The following ATXN10 variants were observed in gnomAD, a reference collection of about 807,000 sequenced individuals.
ATXN10 encodes the protein ataxin 10.
A neutral mutation model predicts 52.9 loss-of-function variants in ATXN10; 28 were observed. That is an observed-to-expected ratio of 0.53 (90% CI 0.39 to 0.73). The LOEUF is 0.73. ATXN10 is among the 30% of genes least tolerant of loss of function. The probability of loss-of-function intolerance (pLI) is 0.00; values close to 1 mark genes in which losing one functional copy is unlikely to be tolerated. For missense variants in ATXN10, 565 were observed against 577.0 expected, an observed-to-expected ratio of 0.98 and a Z score of 0.21; for synonymous variants, 226 against 221.5, an observed-to-expected ratio of 1.02 and a Z score of -0.18.
At chr22:45,704,308 G>A (rs1601597463) in intron 5 of ATXN10, among the ~76,000 whole-genome samples, 2 of 146,190 alleles carry the variant, frequency 1.4e-5, no homozygotes, top group South Asian at 2.1e-4. Context: ...TTTTCAATTT[G>A]TTAAAAAAAA....
chr22:45,837,004 A>C lies in ATXN10; in HGVS notation c.1238-5987A>C, dbSNP rs761036219. Reference sequence around the variant, plus strand: ...AATTGTGCGCCCCTCCCTGCTCCACAGCGTACTTTGGAAAGCCCTGCAGCA... The same window carrying C: ...AATTGTGCGCCCCTCCCTGCTCCACCGCGTACTTTGGAAAGCCCTGCAGCA... On this transcript the variant is annotated intron_variant, in intron 10 of 11. Transcript: ENST00000252934. This position sits in a 1 kb window ranked among gnomAD's most constrained non-coding sequence, Gnocchi z 5.8. 1.3e-5 allele frequency among the ~76,000 whole-genome samples: 2 copies of C among 152,192 alleles called. No individual in the cohort carries two copies. Among genetic ancestry groups the C allele is most frequent in the African/African-American group, 2.4e-5 (1 of 41,452 alleles).
At chr22:45,801,911 T>G (rs903330938) in intron 9 of ATXN10, among the ~76,000 whole-genome samples, 2 of 152,106 alleles carry the variant, frequency 1.3e-5, no homozygotes, top group Non-Finnish European at 2.9e-5. Context: ...ACCTGGGAGG[T>G]GGGTATGGCC....
chr22:45,724,800 A>G (rs1454936355), intron 6 of ATXN10, among the ~76,000 whole-genome samples: 1 of 152,114 alleles, frequency 6.6e-6, no homozygotes, highest in African/African-American at 2.4e-5. Flanking sequence ...TCTGGTCTAG[A>G]TTTAAATCTT....
rs201723379 is a variant in ATXN10, at chr22:45,702,882, G to A, written c.647+35G>A. ...TTGTTAGAAATTTGATTGCTTTGGG[G>A]CATCCTGACAGATCACTTTCCTTGC... is the stretch of plus-strand genomic sequence containing the variant. On this transcript the variant is annotated intron_variant, in intron 5 of 11. Coordinates refer to ENST00000252934, the MANE Select transcript of ATXN10 (RefSeq NM_013236.4). 8.1e-6 allele frequency: 13 copies of A among 1,612,588 alleles called. No homozygotes were observed. The East Asian group carries it at 2.7e-4, about 33-fold the overall frequency.
intron 9 of ATXN10, among the ~76,000 whole-genome samples, chr22:45,742,855 A>G (rs181708136): frequency 1.3e-5 from 2 of 152,126 alleles, no homozygotes; most frequent in African/African-American, 4.8e-5. Flanking sequence ...AAATTACTGG[A>G]CTGATTTTTG....
intron 9 of ATXN10, among the ~76,000 whole-genome samples, chr22:45,751,752 AAAT>A (rs1569049566): frequency 7.3e-5 from 7 of 95,880 alleles, no homozygotes; most frequent in Non-Finnish European, 1.3e-4. Context: ...AAAAAAAAAA[AAAT>A]AAAAAAAAAA....
rs1231257614 is a variant in ATXN10 at position 45,708,339 on chromosome 22, G to A, written c.647+5492G>A. 3.3e-5 allele frequency among the ~76,000 whole-genome samples: 5 copies of A among 152,154 alleles called. No homozygotes were observed. The highest frequency in any genetic ancestry group is 2.4e-5 in the African/African-American group (1 of 41,444). On this transcript the variant is annotated intron_variant, in intron 5 of 11. Transcript: ENST00000252934. The surrounding 1 kb of genome is among the most constrained non-coding windows in gnomAD (Gnocchi z 5.3). ...GTAGAGGAAGAGGTAGGACTGCCTC[G>A]TGCTGATCCTGTGATGTGTTGGTTG...
intron 8 of ATXN10, among the ~76,000 whole-genome samples, chr22:45,739,989 G>A (rs1925446951): frequency 6.6e-6 from 1 of 152,172 alleles, no homozygotes; most frequent in Admixed American, 6.5e-5. Context: ...TAGATATTGT[G>A]TTTTAGACTT....
chr22:45,798,679 C>T (rs749560294), intron 9 of ATXN10, among the ~76,000 whole-genome samples: 3 of 152,150 alleles, frequency 2.0e-5, no homozygotes, highest in Non-Finnish European at 4.4e-5. Context: ...GAGCAACTCA[C>T]TAAGCCAAGA....
At chr22:45,675,144 C>T (rs1275380467) in intron 1 of ATXN10, 1 of 152,150 alleles carries the variant, frequency 6.6e-6, no homozygotes, top group Non-Finnish European at 1.5e-5. Flanking sequence ...TTGTAAGTGA[C>T]CAAGAATCCA....
chr22:45,676,889 C>T (rs145053255), intron 1 of ATXN10: 17 of 152,372 alleles, frequency 1.1e-4, no homozygotes, highest in African/African-American at 4.1e-4. Flanking sequence ...AAGCAATCCT[C>T]CTGCCTCCTT....
chr22:45,757,210 C>T lies in ATXN10; in HGVS notation c.1173+16672C>T, dbSNP rs1926205589. Among the ~76,000 whole-genome samples the T allele has an allele frequency of 6.6e-6, 1 of 152,144 alleles. No homozygotes were observed. The highest frequency in any genetic ancestry group is 6.6e-5 in the Admixed American group (1 of 15,266). ...TTGACAGGAAAAATCCGACTGGCGGCCTTGGAGCAGTTCGAAGAGAGGGCG... is the reference window on the plus strand; with the variant it reads ...TTGACAGGAAAAATCCGACTGGCGGTCTTGGAGCAGTTCGAAGAGAGGGCG... On this transcript the variant is annotated intron_variant, in intron 9 of 11. Transcript: ENST00000252934. The surrounding 1 kb of genome is among the most constrained non-coding windows in gnomAD (Gnocchi z 4.6).
rs374348543 is a variant in ATXN10, at chr22:45,828,204, G to GA, written c.1238-14777dup. On this transcript the variant is annotated intron_variant, in intron 10 of 11. Transcript: ENST00000252934. The surrounding 1 kb of genome is among the most constrained non-coding windows in gnomAD (Gnocchi z 4.5). ...CATCTCTATTAAAAACTTTAAAAAAGAAAAAAAAAAGAAGAAAAAAATATT... is the reference window on the plus strand; with the variant it reads ...CATCTCTATTAAAAACTTTAAAAAAGAAAAAAAAAAAGAAGAAAAAAATATT... Among the ~76,000 whole-genome samples the GA allele has an allele frequency of 1.4e-3, 186 of 135,398 alleles. 3 individuals carry two copies. In the Middle Eastern group the frequency reaches 0.015, roughly 11 times the overall value. The allele number at this position is 135,398 out of a possible 152,430, so 88.8% of individuals were successfully genotyped here. A position where few individuals can be genotyped will look rare whatever the true frequency, so the allele number is the denominator to read the frequency against.
Position 45,823,323 on chromosome 22 carries a change from G to T in ATXN10, c.1237+16301G>T, listed in dbSNP as rs778617322. The T allele has an allele frequency of 2.5e-6, 1 of 396,340 alleles. No individual in the cohort carries two copies. The highest frequency in any genetic ancestry group is 3.3e-5 in the Admixed American group (1 of 30,550). The allele number at this position is 396,340 out of a possible 1,614,324, so 24.6% of individuals were successfully genotyped here. The stretch of plus-strand genomic sequence containing the variant: ...TGTTTAGTGATTTTTGTGTCTCTGA[G>T]GTCTGAGGTCATAAAAGTATGCTAA... On this transcript the variant is annotated intron_variant, in intron 10 of 11. Coordinates refer to ENST00000252934, the MANE Select transcript of ATXN10 (RefSeq NM_013236.4). This position sits in a 1 kb window ranked among gnomAD's most constrained non-coding sequence, Gnocchi z 4.9.
At chr22:45,720,242 G>C (rs1476310926) in intron 6 of ATXN10, among the ~76,000 whole-genome samples, 4 of 151,000 alleles carry the variant, frequency 2.6e-5, no homozygotes, top group African/African-American at 9.7e-5. Context: ...TGGAATCTTT[G>C]ACTAGATTTT....
intron 3 of ATXN10, among the ~76,000 whole-genome samples, chr22:45,699,960 C>G (rs2146751521): frequency 6.6e-6 from 1 of 151,346 alleles, no homozygotes; most frequent in African/African-American, 2.4e-5. Context: ...AATTCTCATG[C>G]CCCAGCCTCC....
chr22:45,823,087 T>A lies in ATXN10; in HGVS notation c.1237+16065T>A. On this transcript the variant is annotated intron_variant, in intron 10 of 11. Coordinates refer to ENST00000252934, the MANE Select transcript of ATXN10 (RefSeq NM_013236.4). The surrounding 1 kb of genome is among the most constrained non-coding windows in gnomAD (Gnocchi z 4.9). ...AACTTAAATAGAGTAAACTGCAAAA[T>A]TTTTAAGTATACATCTTGACATAAG... is the stretch of plus-strand genomic sequence containing the variant. 2.2e-6 allele frequency: 1 copy of A among 454,936 alleles called. No individual in the cohort carries two copies. Among genetic ancestry groups the A allele is most frequent in the East Asian group, 7.1e-5 (1 of 14,138 alleles). The allele number at this position is 454,936 out of a possible 1,614,324, so 28.2% of individuals were successfully genotyped here.
chr22:45,745,964 C>G (rs1225759549), intron 9 of ATXN10, among the ~76,000 whole-genome samples: 1 of 151,916 alleles, frequency 6.6e-6, no homozygotes, highest in Non-Finnish European at 1.5e-5. Flanking sequence ...CCTTTAAATT[C>G]TGAGTTCTGT....
intron 9 of ATXN10, among the ~76,000 whole-genome samples, chr22:45,751,055 T>A (rs1205666251): frequency 6.6e-6 from 1 of 152,028 alleles, no homozygotes; most frequent in Admixed American, 6.6e-5. Context: ...CTCAGCCTCC[T>A]GAGTAGCTGG....
Sources: gnomAD v4.1 joint callset for allele counts (sites outside exome capture counted in the v4.1 genomes callset) on GRCh38, gnomAD v4.1.1 for gene constraint, Gnocchi (gnomAD v3.1) non-coding constraint, MANE v1.5 for transcripts, NCBI Gene and HGNC (gene_info 2026-07-23, HGNC 2026-07-21) for gene names.